Variants in AGBL4 observed in about 807,000 individuals in gnomAD.
The protein encoded by AGBL4 is AGBL carboxypeptidase 4.
A neutral mutation model predicts 66.4 loss-of-function variants in AGBL4; 58 were observed. That is an observed-to-expected ratio of 0.87 (90% confidence interval 0.71 to 1.09). AGBL4 has a LOEUF of 1.09. Among genes scored for constraint, AGBL4 ranks in the 50% least tolerant of loss-of-function variants. The pLI, the probability that AGBL4 is intolerant of heterozygous loss-of-function variation, is 0.00. For missense variants in AGBL4, 579 were observed against 631.0 expected, an observed-to-expected ratio of 0.92 and a Z score of 0.88; for synonymous variants, 234 against 222.9, an observed-to-expected ratio of 1.05 and a Z score of -0.44.
At chr1:49,261,355 G>C (rs1570260467) in intron 3 of AGBL4, among the ~76,000 whole-genome samples, 1 of 152,192 alleles carries the variant, frequency 6.6e-6, no homozygotes, top group African/African-American at 2.4e-5. Context: ...ATTAGGAAAA[G>C]AGGAAGTCAA....
chr1:49,395,520 T>C (rs1644939375), intron 3 of AGBL4, among the ~76,000 whole-genome samples: 1 of 148,652 alleles, frequency 6.7e-6, no homozygotes, highest in Non-Finnish European at 1.5e-5. Flanking sequence ...ATGTTAAAAT[T>C]TTGCCAAACA....
chr1:48,578,857 G>A (rs1644693495), intron 11 of AGBL4, among the ~76,000 whole-genome samples: 1 of 152,084 alleles, frequency 6.6e-6, no homozygotes, highest in Admixed American at 6.5e-5. Context: ...AGCTTTATGA[G>A]GGGGTCAGGG....
chr1:49,195,948 TG>T (rs1647232170), intron 4 of AGBL4, among the ~76,000 whole-genome samples: 1 of 152,118 alleles, frequency 6.6e-6, no homozygotes, highest in Non-Finnish European at 1.5e-5. Flanking sequence ...CCACAAGATC[TG>T]ATGGTTTCAT....
At chr1:49,854,062 T>A (rs1403806315) in intron 1 of AGBL4, among the ~76,000 whole-genome samples, 1 of 152,020 alleles carries the variant, frequency 6.6e-6, no homozygotes, top group Admixed American at 6.6e-5. Context: ...CTCTAAAAGA[T>A]AAATCACTAT....
At chr1:49,354,491 C>T (rs1327278903) in intron 3 of AGBL4, among the ~76,000 whole-genome samples, 1 of 152,140 alleles carries the variant, frequency 6.6e-6, no homozygotes, top group Non-Finnish European at 1.5e-5. Flanking sequence ...TAGAGAACCC[C>T]TCAGGCTCTT....
chr1:49,495,507 G>A (rs747062952), intron 3 of AGBL4, among the ~76,000 whole-genome samples: 15 of 151,446 alleles, frequency 9.9e-5, no homozygotes, highest in East Asian at 3.9e-4. Flanking sequence ...GACCATGTTC[G>A]TCTCTGCCTC....
chr1:49,367,481 A>C (rs781140139), intron 3 of AGBL4, among the ~76,000 whole-genome samples: 10 of 152,190 alleles, frequency 6.6e-5, no homozygotes, highest in Non-Finnish European at 1.5e-4. Flanking sequence ...CTTCATGTAT[A>C]GCTTGCAAAA....
intron 1 of AGBL4, among the ~76,000 whole-genome samples, chr1:50,023,385 ATC>A (rs1484220939): frequency 6.6e-6 from 1 of 151,844 alleles, no homozygotes; most frequent in Non-Finnish European, 1.5e-5. Flanking sequence ...CCCTTTAGGG[ATC>A]TCTCCCATGC....
At chr1:49,255,070 A>G (rs1283163763) in intron 3 of AGBL4, among the ~76,000 whole-genome samples, 1 of 152,184 alleles carries the variant, frequency 6.6e-6, no homozygotes, top group Non-Finnish European at 1.5e-5. Flanking sequence ...CTGGAAGACA[A>G]CCTAGGTAAT....
chr1:48,981,482 T>C (rs1290171256), intron 5 of AGBL4, among the ~76,000 whole-genome samples: 1 of 152,144 alleles, frequency 6.6e-6, no homozygotes, highest in East Asian at 1.9e-4. Context: ...CATACAGGTT[T>C]TTCAATAGTG....
At chr1:48,816,071 GTGTGTGTGTGTGTGTGTGTGT>G (rs1238876056) in intron 6 of AGBL4, among the ~76,000 whole-genome samples, 6 of 150,410 alleles carry the variant, frequency 4.0e-5, no homozygotes, top group African/African-American at 9.8e-5. Context: ...GTGTGTGTGT[GTGTGTGTGTGTGTGTGTGTGT>G]AGAGAGAAAG....
At chr1:49,336,831 A>G (rs1645447350) in intron 3 of AGBL4, among the ~76,000 whole-genome samples, 1 of 152,212 alleles carries the variant, frequency 6.6e-6, no homozygotes. Context: ...AACAGTTTCT[A>G]AACTATAGCA....
At chr1:48,561,797 T>C (rs1343123) in intron 11 of AGBL4, among the ~76,000 whole-genome samples, 34,252 of 152,096 alleles carry the variant, frequency 0.23, 4,371 homozygotes, top group East Asian at 0.33. Context: ...AGATTGGAAC[T>C]TGCGCCATCA....
At chr1:49,139,523 G>A (rs1041803009) in intron 4 of AGBL4, among the ~76,000 whole-genome samples, 5 of 152,074 alleles carry the variant, frequency 3.3e-5, no homozygotes, top group Admixed American at 6.6e-5. Context: ...TAAGTCCAAG[G>A]ATCATTTCCT....
intron 1 of AGBL4, among the ~76,000 whole-genome samples, chr1:49,918,149 A>T (rs1651772149): frequency 6.6e-6 from 1 of 152,208 alleles, no homozygotes; most frequent in Non-Finnish European, 1.5e-5. Context: ...TCTAAAATTG[A>T]CATCCTAACA....
intron 1 of AGBL4, among the ~76,000 whole-genome samples, chr1:49,939,473 C>G (rs1190650269): frequency 6.6e-6 from 1 of 151,794 alleles, no homozygotes; most frequent in Non-Finnish European, 1.5e-5. Flanking sequence ...CTACAGTAAC[C>G]AAAACAGCAT....
intron 1 of AGBL4, among the ~76,000 whole-genome samples, chr1:49,892,692 T>C (rs1032480361): frequency 5.3e-5 from 8 of 152,138 alleles, no homozygotes; most frequent in African/African-American, 1.2e-4. Context: ...TCAAAAACCT[T>C]TTCTCCCTGA....
chr1:49,813,595 GTA>G (rs1187370977), intron 2 of AGBL4, among the ~76,000 whole-genome samples: 1 of 152,112 alleles, frequency 6.6e-6, no homozygotes, highest in Non-Finnish European at 1.5e-5. Context: ...TAATCAGTAA[GTA>G]TTTTTTAGCA....
At chr1:49,373,092 T>C (rs1644400295) in intron 3 of AGBL4, among the ~76,000 whole-genome samples, 1 of 152,180 alleles carries the variant, frequency 6.6e-6, no homozygotes, top group Non-Finnish European at 1.5e-5. Flanking sequence ...CACAAAGTTC[T>C]TCCAGTTCAT....
Sources: allele counts gnomAD v4.1 joint callset (sites outside exome capture counted in the v4.1 genomes callset), GRCh38; gene constraint gnomAD v4.1.1; transcripts MANE v1.5; gene names NCBI Gene and HGNC (gene_info 2026-07-23, HGNC 2026-07-21).